HIPK1: variants seen among roughly 807,000 people sequenced by gnomAD.
HIPK1 encodes the protein homeodomain interacting protein kinase 1, also known as homeodomain-interacting protein kinase 1.
HIPK1 carries 28 observed loss-of-function variants against 117.1 expected under a neutral mutation model. That is an observed-to-expected ratio of 0.24 (90% CI 0.18 to 0.33). The LOEUF (loss-of-function observed/expected upper bound fraction) is 0.33, where lower values mean the gene tolerates loss of function less well. HIPK1 is among the 10% of genes least tolerant of loss of function. The probability of loss-of-function intolerance (pLI) is 1.00; values close to 1 mark genes in which losing one functional copy is unlikely to be tolerated. For synonymous variants in HIPK1, 605 were observed against 562.5 expected (o/e 1.08, Z -1.07); for missense variants, 1,122 against 1,475.1 (o/e 0.76, Z 3.92).
chr1:113,973,345 G>T lies in HIPK1; in HGVS notation c.3466G>T (p.Val1156Phe). 1 of 1,614,110 alleles carries T rather than the reference G, an allele frequency of 6.2e-7. No homozygotes were observed. The highest frequency in any genetic ancestry group is 8.5e-7 in the Non-Finnish European group (1 of 1,180,020). ...TTHPSTLVHQ[V>F]PVSVGPSLLT... Reference sequence around the variant, plus strand: ...TCACCCTAGCACTTTGGTGCACCAGGTCCCTGTCAGTGTTGGGCCCAGCCT... The same window carrying T: ...TCACCCTAGCACTTTGGTGCACCAGTTCCCTGTCAGTGTTGGGCCCAGCCT... The change falls in exon 16 of 16, where the codon GTC becomes TTC. Residue 1156 changes from valine (V) to phenylalanine (F), a missense_variant. By Grantham distance (50) the Val-to-Phe change is conservative (BLOSUM62 -1). Coordinates refer to ENST00000426820, the MANE Select transcript of HIPK1 (RefSeq NM_198268.3).
chr1:113,943,772 C>T (rs553318857), intron 2 of HIPK1, among the ~76,000 whole-genome samples: 1 of 152,144 alleles, frequency 6.6e-6, no homozygotes, highest in South Asian at 2.1e-4. Context: ...CAAATTTCTC[C>T]ACATTTTCTC....
intron 11 of HIPK1, among the ~76,000 whole-genome samples, chr1:113,967,543 C>T (rs1256409758): frequency 2.6e-5 from 4 of 152,122 alleles, no homozygotes; most frequent in African/African-American, 9.7e-5. Flanking sequence ...AATGTCTATT[C>T]AATTCTTTTG....
At chr1:113,938,895 G>A (rs1043584971) in intron 1 of HIPK1, among the ~76,000 whole-genome samples, 2 of 124,736 alleles carry the variant, frequency 1.6e-5, no homozygotes, top group African/African-American at 3.1e-5. Context: ...GGGCTACAGA[G>A]TGAGACTCTG....
In HIPK1 at chr1:113,977,153, C is replaced by T. The variant is rs1422910878; in HGVS notation, c.*3641C>T. 1 of 152,280 alleles carries T rather than the reference C, an allele frequency of 6.6e-6. No individual in the cohort carries two copies. Among genetic ancestry groups the T allele is most frequent in the Non-Finnish European group, 1.5e-5 (1 of 67,968 alleles). 9.4% of individuals were successfully genotyped at this position (152,280 alleles called of 1,614,324 possible). The stretch of plus-strand genomic sequence containing the variant: ...TTCAGCATTATTATGCAAAAATTCA[C>T]TAGTTGAGATGGTTTGTTTTAGGAT... On this transcript the variant is annotated 3_prime_UTR_variant, in exon 16 of 16. Transcript: ENST00000426820.
chr1:113,973,191 C>T lies in HIPK1; in HGVS notation c.3312C>T (p.His1104=). 1.2e-6 allele frequency: 2 copies of T among 1,612,864 alleles called. No individual in the cohort carries two copies. Among genetic ancestry groups the T allele is most frequent in the Admixed American group, 3.3e-5 (2 of 59,936 alleles). ...GHPHLAPAPA[H]LPSQAHLYTY... ...CACACCTTGCCCCGGCCCCTGCTCA[C>T]CTGCCAAGCCAGGCTCATCTGTATA... The change falls in exon 16 of 16, where the codon CAC becomes CAT. Residue 1104 remains histidine (H), a synonymous_variant. Transcript: ENST00000426820.
At position 113,969,959 on chromosome 1, in the gene HIPK1, T is replaced by C; in HGVS notation, c.2775T>C (p.Ser925=). Residue 925 remains serine, a synonymous_variant, in exon 14 of 16, where the codon TCT becomes TCC. Transcript: ENST00000426820. ...CATGTATTTTTCTTTTCCTCAGCTC[T>C]GGACTGAAGCCAAGGTCTAATGTCA... is the stretch of plus-strand genomic sequence containing the variant. ...EEDNKYKPSS[S]GLKPRSNVIS... is the part of the protein sequence containing the mutation. The C allele has an allele frequency of 6.2e-7, 1 of 1,614,184 alleles. No homozygotes were observed. Among genetic ancestry groups the C allele is most frequent in the Non-Finnish European group, 8.5e-7 (1 of 1,180,014 alleles).
At position 113,971,836 on chromosome 1, in the gene HIPK1, A is replaced by G. The variant is rs763296980; in HGVS notation, c.3026A>G (p.Asn1009Ser). Residue 1009 changes from asparagine to serine, a missense_variant, in exon 15 of 16, where the codon AAT (asparagine) becomes AGT (serine). By Grantham distance (46) the Asn-to-Ser change is conservative. This residue lies in a region of HIPK1 where 731 missense variants were observed against 860.4 expected (regional missense o/e 0.85). Coordinates refer to ENST00000426820, the MANE Select transcript of HIPK1 (RefSeq NM_198268.3). ...VATQASGLLS[N>S]KTKPVASVSG... ...GGTGCTTTTTTAGGTCTCCTGAGCA[A>G]TAAGACTAAGCCAGTCGCTTCAGTG... 4 of 1,594,762 alleles carry G rather than the reference A, an allele frequency of 2.5e-6. No homozygotes were observed. Among genetic ancestry groups the G allele is most frequent in the Admixed American group, 1.9e-5 (1 of 53,886 alleles).
chr1:113,936,847 A>T (rs1201854290), intron 1 of HIPK1, among the ~76,000 whole-genome samples: 1 of 152,254 alleles, frequency 6.6e-6, no homozygotes, highest in African/African-American at 2.4e-5. Context: ...TTCACTAAAT[A>T]CTTCAAGTTA....
intron 8 of HIPK1, among the ~76,000 whole-genome samples, chr1:113,960,752 TAAAA>T (rs754368424): frequency 3.3e-5 from 5 of 152,162 alleles, no homozygotes; most frequent in Non-Finnish European, 7.4e-5. Flanking sequence ...TATTTTTATA[TAAAA>T]AAAGATATTG....
chr1:113,947,410 C>T (rs1185281618), intron 2 of HIPK1, among the ~76,000 whole-genome samples: 3 of 152,196 alleles, frequency 2.0e-5, no homozygotes, highest in African/African-American at 7.2e-5. Context: ...ACGTATCTTC[C>T]ATTTATCCTA....
chr1:113,966,383 G>A (rs1672448632), intron 11 of HIPK1, 111 bp downstream of exon 11: 2 of 1,001,310 alleles, frequency 2.0e-6, no homozygotes, highest in Non-Finnish European at 2.8e-6. Flanking sequence ...ATTTGACACT[G>A]TTGGAATCCT....
rs1558152640 is a variant in HIPK1 at position 113,973,454 on chromosome 1, C to G, written c.3575C>G (p.Thr1192Arg). ...TACATTGGGTCTTCCCGAGGCTCAA[C>G]AATTTACACTGGATACCCGCTGAGT... The part of the protein sequence containing the change: ...QSYIGSSRGS[T>R]IYTGYPLSPT... The change falls in exon 16 of 16, where the codon ACA (threonine) becomes AGA (arginine). Residue 1192 changes from threonine to arginine, a missense_variant. Coordinates refer to ENST00000426820, the MANE Select transcript of HIPK1 (RefSeq NM_198268.3). 6.2e-7 allele frequency: 1 copy of G among 1,613,396 alleles called. No individual in the cohort carries two copies. Among genetic ancestry groups the G allele is most frequent in the Non-Finnish European group, 8.5e-7 (1 of 1,179,558 alleles).
chr1:113,948,196 G>A (rs1319909989), intron 2 of HIPK1, among the ~76,000 whole-genome samples: 4 of 152,218 alleles, frequency 2.6e-5, no homozygotes, highest in Non-Finnish European at 4.4e-5. Context: ...GCTTCGTAGA[G>A]TTTGGGTAAG....
chr1:113,963,605 G>T, intron 10 of HIPK1, 84 bp downstream of exon 10: 1 of 1,501,924 alleles, frequency 6.7e-7, no homozygotes. Flanking sequence ...TTTTTGTTCT[G>T]TTTTTTTCTG....
At chr1:113,936,755 C>T (rs1670277227) in intron 1 of HIPK1, among the ~76,000 whole-genome samples, 1 of 152,194 alleles carries the variant, frequency 6.6e-6, no homozygotes, top group South Asian at 2.1e-4. Flanking sequence ...TTTGGTATTT[C>T]ATGAATTCTT....
chr1:113,929,700 G>T, intron 1 of HIPK1, 168 bp downstream of exon 1: 1 of 842,760 alleles, frequency 1.2e-6, no homozygotes, highest in South Asian at 2.2e-5. Context: ...AGGCGGGAGC[G>T]CGCGGGGCTG....
chr1:113,964,482 C>A (rs1295047254), intron 10 of HIPK1, among the ~76,000 whole-genome samples: 1 of 152,078 alleles, frequency 6.6e-6, no homozygotes, highest in African/African-American at 2.4e-5. Context: ...TATTGGATAT[C>A]CAGCATTTTC....
chr1:113,958,222 A>G lies in HIPK1; in HGVS notation c.1912A>G (p.Thr638Ala). The G allele has an allele frequency of 6.2e-7, 1 of 1,614,138 alleles. No individual in the cohort carries two copies. Among genetic ancestry groups the G allele is most frequent in the Non-Finnish European group, 8.5e-7 (1 of 1,180,018 alleles). The change falls in exon 8 of 16, where the codon ACC becomes GCC. Residue 638 changes from threonine to alanine, a missense_variant. Physicochemically the swap from Thr to Ala is moderately conservative, Grantham distance 58. Around this residue, in one of 6 missense-constraint regions of HIPK1, gnomAD observed 731 missense variants for 860.4 expected, o/e 0.85. Transcript: ENST00000426820. ...GCAGGGTGTTTCCTTGCAGCCTGGAACCACCCAGATTTGCACTCAGACAGA... is the reference window on the plus strand; with the variant it reads ...GCAGGGTGTTTCCTTGCAGCCTGGAGCCACCCAGATTTGCACTCAGACAGA... ...AQQGVSLQPG[T>A]TQICTQTDPF...
At chr1:113,957,432 G>A (rs1301512370) in intron 7 of HIPK1, 146 bp downstream of exon 7, 1 of 639,494 alleles carries the variant, frequency 1.6e-6, no homozygotes, top group East Asian at 2.7e-5. Context: ...ATGGAAAACA[G>A]GGTAGACTGA....
Sources: gnomAD v4.1 joint callset for allele counts (sites outside exome capture counted in the v4.1 genomes callset) on GRCh38, gnomAD v4.1.1 for gene constraint, gnomAD v4.1.1 regional missense constraint, MANE v1.5 for transcripts, NCBI Gene and HGNC (gene_info 2026-07-23, HGNC 2026-07-21) for gene names.